The following BCORL1 variants were observed in gnomAD, a reference collection of about 807,000 sequenced individuals.
BCORL1 encodes the protein BCL-6 corepressor-like protein 1.
BCORL1 carries 7 observed loss-of-function variants against 87.6 expected under a neutral mutation model. The observed-to-expected ratio is 0.08, with a 90% CI of 0.05 to 0.15. The LOEUF is 0.15. BCORL1 is among the 10% of genes least tolerant of loss of function. BCORL1 has a pLI of 1.00. For missense variants in BCORL1, 1,215 were observed against 1,499.7 expected (o/e 0.81, Z 3.13); for synonymous variants, 591 against 634.4 (o/e 0.93, Z 1.03).
At chrX:130,011,458 T>C (rs1480986889) in intron 2 of BCORL1, among the ~76,000 whole-genome samples, 3 of 111,169 alleles carry the variant, frequency 2.7e-5, no homozygotes, top group African/African-American at 6.6e-5. Context: ...AGGCTGATAT[T>C]GAACTCCTGA....
chrX:129,990,733 C>A (rs1219892946), intron 1 of BCORL1, among the ~76,000 whole-genome samples: 2 of 111,125 alleles, frequency 1.8e-5, no homozygotes, highest in Admixed American at 9.6e-5. Flanking sequence ...TGACTCATCA[C>A]TGCATCTACC....
chrX:130,030,763 C>G (rs1298488026), intron 8 of BCORL1, among the ~76,000 whole-genome samples: 1 of 110,550 alleles, frequency 9.0e-6, no homozygotes, highest in Non-Finnish European at 1.9e-5. Context: ...AACCAGCGCT[C>G]GAGATTCAGC....
intron 1 of BCORL1, among the ~76,000 whole-genome samples, chrX:129,985,975 G>T (rs993501102): frequency 1.2e-4 from 13 of 110,689 alleles, no homozygotes; most frequent in African/African-American, 4.0e-4. Context: ...TTACCCTCCA[G>T]AGTAGCTGGG....
intron 4 of BCORL1, among the ~76,000 whole-genome samples, chrX:130,017,688 C>G (rs1929542119): frequency 9.3e-6 from 1 of 107,758 alleles, no homozygotes; most frequent in East Asian, 2.9e-4. Context: ...GTCACCCGGG[C>G]TGGAGTGCAG....
intron 9 of BCORL1, 121 bp from the exon 10 acceptor site, chrX:130,037,246 C>G (rs1284687108): frequency 1.4e-6 from 1 of 693,954 alleles, no homozygotes; most frequent in Non-Finnish European, 2.3e-6. Flanking sequence ...TGAAGTGTGT[C>G]CCTGCTATAA....
intron 13 of BCORL1, among the ~76,000 whole-genome samples, 174 bp from the exon 14 acceptor site, chrX:130,055,680 T>C (rs1340804088): frequency 8.9e-6 from 1 of 112,672 alleles, no homozygotes; most frequent in Non-Finnish European, 1.9e-5. Flanking sequence ...TTGCCTCAGC[T>C]ATACCCAAGG....
chrX:130,053,466 C>T lies in BCORL1; in HGVS notation c.5075+1450C>T, dbSNP rs139032066. Among the ~76,000 whole-genome samples the T allele has an allele frequency of 8.8e-3, 986 of 111,545 alleles. 8 individuals are homozygous for T. Among genetic ancestry groups the T allele is most frequent in the African/African-American group, 0.03 (923 of 30,673 alleles). On this transcript the variant is annotated intron_variant, in intron 13 of 13. Coordinates refer to ENST00000540052, the MANE Select transcript of BCORL1 (RefSeq NM_001379451.1). ...GTATTGCACGGTTAATTAATTCCTC[C>T]GATGTATTCAGCACCTCCCTCTCTG... is the stretch of plus-strand genomic sequence containing the variant.
intron 2 of BCORL1, among the ~76,000 whole-genome samples, chrX:130,010,257 T>C (rs1173938756): frequency 8.9e-6 from 1 of 112,182 alleles, no homozygotes; most frequent in Non-Finnish European, 1.9e-5. Flanking sequence ...GTGGGGTTGC[T>C]TGGGGGAAGT....
rs768469300 is a variant in BCORL1, at chrX:130,040,445, G to T, written c.4840+1163G>T. On this transcript the variant is annotated intron_variant, in intron 11 of 13. Transcript: ENST00000540052. ...GTGGGGGGTAATAGGAGGCTGTCGCGGGAGATCTTGACTCCTGCTCAGCCA... is the reference window on the plus strand; with the variant it reads ...GTGGGGGGTAATAGGAGGCTGTCGCTGGAGATCTTGACTCCTGCTCAGCCA... Among the ~76,000 whole-genome samples, 3 of 112,281 alleles carry T rather than the reference G, an allele frequency of 2.7e-5. No individual in the cohort carries two copies. The East Asian group carries it at 8.4e-4, about 32-fold the overall frequency.
At chrX:130,055,524 TC>T (rs1277613415) in intron 13 of BCORL1, among the ~76,000 whole-genome samples, 1 of 112,346 alleles carries the variant, frequency 8.9e-6, no homozygotes, top group Non-Finnish European at 1.9e-5. Flanking sequence ...GCAGGCTAAG[TC>T]CCCAAGAAGC....
intron 11 of BCORL1, among the ~76,000 whole-genome samples, chrX:130,041,156 C>T (rs778694222): frequency 6.4e-5 from 7 of 109,362 alleles, no homozygotes; most frequent in African/African-American, 1.7e-4. Context: ...GAATTGCTTC[C>T]GGCCAGGAGT....
intron 2 of BCORL1, among the ~76,000 whole-genome samples, chrX:130,012,022 T>A: frequency 8.9e-6 from 1 of 112,030 alleles, no homozygotes. Context: ...GTCTCTGCTC[T>A]AGGCAAGACA....
intron 11 of BCORL1, among the ~76,000 whole-genome samples, chrX:130,049,205 C>G (rs1414436899): frequency 1.8e-5 from 2 of 111,883 alleles, no homozygotes; most frequent in Non-Finnish European, 3.8e-5. Flanking sequence ...TGTGTTTTAC[C>G]TTTTGAGGAA....
At chrX:130,049,654 G>A (rs1486767216) in intron 11 of BCORL1, among the ~76,000 whole-genome samples, 1 of 112,282 alleles carries the variant, frequency 8.9e-6, no homozygotes, top group African/African-American at 3.2e-5. Flanking sequence ...CACTGTGCCC[G>A]GCCTCATGTG....
At chrX:130,009,113 C>T (rs1928750293) in intron 2 of BCORL1, among the ~76,000 whole-genome samples, 1 of 111,357 alleles carries the variant, frequency 9.0e-6, no homozygotes, top group Non-Finnish European at 1.9e-5. Flanking sequence ...CATTTGAGCC[C>T]AGGCTTGAGG....
rs761108373 is a variant in BCORL1, at chrX:130,014,039, C to T, written c.1267C>T (p.Pro423Ser). Residue 423 changes from proline (P) to serine (S), a missense_variant, in exon 4 of 14, where the codon CCT (proline) becomes TCT (serine). Around this residue, in one of 5 missense-constraint regions of BCORL1, gnomAD observed 861 missense variants for 1,010.0 expected, o/e 0.85. Transcript: ENST00000540052. ...CTTCAGTTTGAGTAGAGTGTGCTTT[C>T]CTGCAGCTCAGGCACCAGCTATGCA... ...ASFSLSRVCFPAAQAPAMQKV... is the reference protein window; with the variant it reads ...ASFSLSRVCFSAAQAPAMQKV... The T allele has an allele frequency of 8.3e-6, 10 of 1,207,695 alleles. No homozygotes were observed. The highest frequency in any genetic ancestry group is 1.1e-5 in the Non-Finnish European group (10 of 894,095).
At position 130,034,415 on chromosome X, in the gene BCORL1, C is replaced by T. The variant is rs925641220; in HGVS notation, c.4306-40C>T. 12 of 942,464 alleles carry T rather than the reference C, an allele frequency of 1.3e-5. No individual in the cohort carries two copies. In the Admixed American group the frequency reaches 3.7e-4, roughly 29 times the overall value. 77.7% of individuals were successfully genotyped at this position (942,464 alleles called of 1,213,427 possible). On this transcript the variant is annotated intron_variant, in intron 8 of 13. Coordinates refer to ENST00000540052, the MANE Select transcript of BCORL1 (RefSeq NM_001379451.1). The stretch of plus-strand genomic sequence containing the variant: ...TGACCCTGGTGGATGGATAAGCTGC[C>T]TGGCCTGACCTGACCTAGGACTGCA...
At chrX:130,035,857 A>T (rs1930908374) in intron 9 of BCORL1, among the ~76,000 whole-genome samples, 1 of 112,671 alleles carries the variant, frequency 8.9e-6, no homozygotes, top group African/African-American at 3.2e-5. Context: ...CTGGGGGAAG[A>T]GGCAGACATC....
At chrX:130,051,762 C>T (rs1318331680) in intron 12 of BCORL1, 98 bp from the exon 13 acceptor site, 6 of 866,965 alleles carry the variant, frequency 6.9e-6, no homozygotes, top group South Asian at 3.4e-5. Flanking sequence ...ACCTCCCAAC[C>T]ACCACCCCTC....
Sources: gnomAD v4.1 joint callset for allele counts (sites outside exome capture counted in the v4.1 genomes callset) on GRCh38, gnomAD v4.1.1 for gene constraint, gnomAD v4.1.1 regional missense constraint, MANE v1.5 for transcripts, NCBI Gene and HGNC (gene_info 2026-07-23, HGNC 2026-07-21) for gene names.